The following COP1 variants were observed in gnomAD, a reference collection of about 807,000 sequenced individuals.
COP1 encodes the protein COP1 E3 ubiquitin ligase, also known as E3 ubiquitin-protein ligase COP1.
In COP1, 24 loss-of-function variants were observed where a neutral mutation model predicts 101.3. The ratio of observed to expected loss-of-function variants is 0.24; its 90% CI spans 0.17 to 0.33. The LOEUF (loss-of-function observed/expected upper bound fraction) is 0.33. Ranked by LOEUF, COP1 falls within the 10% of genes least tolerant of loss-of-function variation. COP1 has a pLI of 1.00. For missense variants in COP1, 663 were observed against 906.2 expected (o/e 0.73, Z 3.45); for synonymous variants, 347 against 341.9 (o/e 1.01, Z -0.17).
chr1:176,028,632 C>G (rs1035323684), intron 14 of COP1, among the ~76,000 whole-genome samples: 7 of 136,736 alleles, frequency 5.1e-5, no homozygotes, highest in African/African-American at 1.6e-4. Context: ...AACACAGACC[C>G]ACAACTAAGA....
chr1:176,164,605 C>T (rs952904963), intron 3 of COP1, among the ~76,000 whole-genome samples: 8 of 152,126 alleles, frequency 5.3e-5, no homozygotes, highest in African/African-American at 1.9e-4. Context: ...ATATCTGGAA[C>T]TGCTTAGAGC....
At chr1:175,956,075 T>G (rs1022881837) in intron 18 of COP1, among the ~76,000 whole-genome samples, 6 of 152,240 alleles carry the variant, frequency 3.9e-5, no homozygotes, top group African/African-American at 1.4e-4. Context: ...ACTAGGGACT[T>G]ACACAACATG....
At chr1:176,075,446 T>C (rs747498078) in intron 11 of COP1, among the ~76,000 whole-genome samples, 4 of 152,216 alleles carry the variant, frequency 2.6e-5, no homozygotes, top group Non-Finnish European at 5.9e-5. Context: ...ATTCCCGATA[T>C]GCCTCAAAAA....
At chr1:176,099,505 G>GTCTCTCTCTCTC (rs145354415) in intron 9 of COP1, among the ~76,000 whole-genome samples, 11 of 143,902 alleles carry the variant, frequency 7.6e-5, no homozygotes, top group East Asian at 4.1e-4. Flanking sequence ...GAGCATATTT[G>GTCTCTCTCTCTC]TCTCTCTCTC....
chr1:176,192,665 T>C (rs1430503571), intron 1 of COP1, among the ~76,000 whole-genome samples: 8 of 152,076 alleles, frequency 5.3e-5, no homozygotes, highest in African/African-American at 1.4e-4. Flanking sequence ...CTGGGGAAGA[T>C]ACCAAGTTCA....
intron 9 of COP1, among the ~76,000 whole-genome samples, chr1:176,095,680 GAAA>G (rs60886371): frequency 2.3e-5 from 2 of 87,550 alleles, no homozygotes; most frequent in African/African-American, 8.6e-5. Flanking sequence ...CCCTGTCTCA[GAAA>G]AAAAAAAAAA....
intron 11 of COP1, among the ~76,000 whole-genome samples, chr1:176,070,819 G>A (rs1037184730): frequency 6.6e-6 from 1 of 151,962 alleles, no homozygotes; most frequent in Non-Finnish European, 1.5e-5. Context: ...GCTAATTTTT[G>A]ATTTTTTTAT....
At chr1:176,110,666 C>A (rs1341789202) in intron 9 of COP1, among the ~76,000 whole-genome samples, 3 of 151,916 alleles carry the variant, frequency 2.0e-5, no homozygotes, top group Non-Finnish European at 4.4e-5. Flanking sequence ...AAAAACAAAA[C>A]AACAAAAAAA....
chr1:176,081,954 A>T (rs1679231881), intron 10 of COP1, among the ~76,000 whole-genome samples: 1 of 152,192 alleles, frequency 6.6e-6, no homozygotes. Context: ...CAATAATTCC[A>T]TCCAGTGGTA....
At chr1:176,024,214 G>A (rs537647760) in intron 15 of COP1, among the ~76,000 whole-genome samples, 21 of 152,282 alleles carry the variant, frequency 1.4e-4, no homozygotes, top group Admixed American at 1.4e-3. Flanking sequence ...AGCCAATATC[G>A]TGCCACTGCA....
intron 18 of COP1, among the ~76,000 whole-genome samples, chr1:175,955,766 CCACACACACACACA>C (rs60306255): frequency 3.9e-5 from 5 of 129,192 alleles, no homozygotes; most frequent in African/African-American, 1.4e-4. Flanking sequence ...TAGAGACAAA[CCACACACACACACA>C]CACACACACA....
At chr1:175,986,541 C>T (rs1657178098) in intron 18 of COP1, among the ~76,000 whole-genome samples, 1 of 139,570 alleles carries the variant, frequency 7.2e-6, no homozygotes, top group Non-Finnish European at 1.6e-5. Flanking sequence ...TTTACCTGTA[C>T]CAATTCTTTT....
At chr1:175,954,830 A>AAATAC (rs1650406608) in intron 18 of COP1, among the ~76,000 whole-genome samples, 2 of 152,184 alleles carry the variant, frequency 1.3e-5, no homozygotes, top group South Asian at 4.1e-4. Context: ...AACCTTAACA[A>AAATAC]AATACAAGTA....
chr1:175,966,699 C>T (rs961912980), intron 18 of COP1, among the ~76,000 whole-genome samples: 1 of 152,188 alleles, frequency 6.6e-6, no homozygotes, highest in Non-Finnish European at 1.5e-5. Context: ...CCTCAGTTCT[C>T]ATACATTATA....
intron 11 of COP1, among the ~76,000 whole-genome samples, chr1:176,061,125 C>A (rs1297644766): frequency 6.6e-6 from 1 of 152,002 alleles, no homozygotes; most frequent in Non-Finnish European, 1.5e-5. Context: ...CAGATCAATA[C>A]AACAGAACAG....
intron 5 of COP1, among the ~76,000 whole-genome samples, chr1:176,157,309 A>G (rs928724742): frequency 1.1e-4 from 17 of 152,202 alleles, no homozygotes; most frequent in Admixed American, 9.8e-4. Context: ...AATATTTACA[A>G]AACAGATTAT....
intron 6 of COP1, among the ~76,000 whole-genome samples, chr1:176,140,153 T>C (rs1690446573): frequency 6.6e-6 from 1 of 152,114 alleles, no homozygotes; most frequent in African/African-American, 2.4e-5. Flanking sequence ...TAATGTTCCA[T>C]CTCCTAATAC....
intron 15 of COP1, among the ~76,000 whole-genome samples, chr1:175,990,504 T>G (rs962883963): frequency 6.6e-6 from 1 of 152,172 alleles, no homozygotes; most frequent in Non-Finnish European, 1.5e-5. Context: ...TATGTCAGAT[T>G]GACAATGTTA....
At chr1:176,121,042 CATT>C (rs2149631321) in intron 8 of COP1, among the ~76,000 whole-genome samples, 1 of 151,752 alleles carries the variant, frequency 6.6e-6, no homozygotes, top group African/African-American at 2.4e-5. Flanking sequence ...AGACTATTAT[CATT>C]GATTTTTTTT....
Sources: allele counts gnomAD v4.1 joint callset (sites outside exome capture counted in the v4.1 genomes callset), GRCh38; gene constraint gnomAD v4.1.1; transcripts MANE v1.5; gene names NCBI Gene and HGNC (gene_info 2026-07-23, HGNC 2026-07-21).